LMBRD1: variants seen among roughly 807,000 people sequenced by gnomAD.
The protein encoded by LMBRD1 is LMBR1 domain containing 1.
In LMBRD1, 64 loss-of-function variants were observed where a neutral mutation model predicts 74.8. The ratio of observed to expected loss-of-function variants is 0.86; its 90% CI spans 0.70 to 1.05. The LOEUF is 1.05. Among genes scored for constraint, LMBRD1 ranks in the 50% least tolerant of loss-of-function variants. LMBRD1 has a pLI of 0.00. For synonymous variants in LMBRD1, 204 were observed against 216.3 expected (o/e 0.94, Z 0.50); for missense variants, 652 against 645.9 (o/e 1.01, Z -0.10).
chr6:69,706,137 G>A, intron 9 of LMBRD1: 1 of 543,894 alleles, frequency 1.8e-6, no homozygotes, highest in Non-Finnish European at 3.4e-6. Flanking sequence ...GGGGGTTTAT[G>A]TCCATGTCCA....
chr6:69,708,167 T>C (rs550456925), intron 9 of LMBRD1, among the ~76,000 whole-genome samples: 17 of 152,318 alleles, frequency 1.1e-4, no homozygotes, highest in Non-Finnish European at 2.1e-4. Context: ...GGGAAGAGTT[T>C]ATTCAAGTAT....
intron 3 of LMBRD1, among the ~76,000 whole-genome samples, chr6:69,779,356 T>A (rs998568152): frequency 1.4e-4 from 21 of 152,190 alleles, no homozygotes; most frequent in African/African-American, 4.6e-4. Flanking sequence ...CACTTTTTTT[T>A]ATAAAACACA....
chr6:69,719,702 A>T (rs1766572967), intron 7 of LMBRD1, among the ~76,000 whole-genome samples: 1 of 152,194 alleles, frequency 6.6e-6, no homozygotes, highest in Non-Finnish European at 1.5e-5. Context: ...ATAATCATTA[A>T]TAATACTTAA....
chr6:69,715,662 A>G (rs920009454), intron 8 of LMBRD1, among the ~76,000 whole-genome samples: 121 of 152,154 alleles, frequency 8.0e-4, no homozygotes, highest in African/African-American at 2.9e-3. Context: ...TAAGCAGTTA[A>G]ATATCCTTCA....
chr6:69,737,883 T>G, intron 7 of LMBRD1, 59 bp downstream of exon 7: 1 of 1,038,534 alleles, frequency 9.6e-7, no homozygotes, highest in Non-Finnish European at 1.5e-6. Context: ...AATAAATTAC[T>G]AAGGTAAAAA....
At chr6:69,700,684 T>G (rs1766106768) in intron 12 of LMBRD1, 81 bp downstream of exon 12, 1 of 987,576 alleles carries the variant, frequency 1.0e-6, no homozygotes, top group East Asian at 3.0e-5. Flanking sequence ...AGCTACTATA[T>G]TCTAAATCTA....
In LMBRD1 at chr6:69,701,605, G is replaced by GA. The variant is rs915391643; in HGVS notation, c.981-61dup. ...TACTATCAAATTTTCAGCAAATTTA[G>GA]AAAAAATATAATTTAAGCATGCAAA... On this transcript the variant is annotated intron_variant, in intron 10 of 15. Transcript: ENST00000649934. The GA allele has an allele frequency of 4.0e-5, 42 of 1,049,668 alleles. No homozygotes were observed. In the African/African-American group the frequency reaches 4.3e-4, roughly 11 times the overall value. The allele number at this position is 1,049,668 out of a possible 1,614,324, so 65.0% of individuals were successfully genotyped here. A position where few individuals can be genotyped will look rare whatever the true frequency, so the allele number is the denominator to read the frequency against.
At chr6:69,733,836 A>G (rs972075821) in intron 7 of LMBRD1, among the ~76,000 whole-genome samples, 1 of 152,174 alleles carries the variant, frequency 6.6e-6, no homozygotes, top group African/African-American at 2.4e-5. Flanking sequence ...TGCTTTTTGC[A>G]TTTGGTTTAT....
chr6:69,686,965 C>T (rs1173808139), intron 14 of LMBRD1, among the ~76,000 whole-genome samples: 1 of 152,178 alleles, frequency 6.6e-6, no homozygotes, highest in Non-Finnish European at 1.5e-5. Context: ...GAAATATTTA[C>T]TATCTGGCTA....
At chr6:69,684,979 G>A (rs1049770606) in intron 14 of LMBRD1, among the ~76,000 whole-genome samples, 1 of 152,074 alleles carries the variant, frequency 6.6e-6, no homozygotes, top group Non-Finnish European at 1.5e-5. Context: ...AAATGTTTAA[G>A]GGAGACAAAG....
chr6:69,770,251 T>C, intron 3 of LMBRD1, among the ~76,000 whole-genome samples: 1 of 152,182 alleles, frequency 6.6e-6, no homozygotes, highest in East Asian at 1.9e-4. Flanking sequence ...AGTACAGCTG[T>C]AGGTCCTCCC....
At chr6:69,718,538 AC>A (rs1766543100) in intron 8 of LMBRD1, among the ~76,000 whole-genome samples, 1 of 152,120 alleles carries the variant, frequency 6.6e-6, no homozygotes, top group Admixed American at 6.5e-5. Flanking sequence ...GGTTTGATTG[AC>A]TCACAGTTCC....
intron 6 of LMBRD1, among the ~76,000 whole-genome samples, chr6:69,738,386 T>C (rs1767020562): frequency 6.6e-6 from 1 of 152,134 alleles, no homozygotes. Flanking sequence ...TAACATTTCA[T>C]AGGAAAGCCA....
intron 1 of LMBRD1, 99 bp from the exon 2 acceptor site, chr6:69,790,571 T>C (rs2305839): frequency 8.4e-7 from 1 of 1,184,654 alleles, no homozygotes; most frequent in Non-Finnish European, 1.2e-6. Flanking sequence ...TTATGTGAAG[T>C]AAAGGTTATT....
At chr6:69,749,263 C>G (rs1416843907) in intron 5 of LMBRD1, 78 bp downstream of exon 5, 9 of 1,146,072 alleles carry the variant, frequency 7.9e-6, no homozygotes, top group African/African-American at 1.6e-5. Context: ...CTAGATTTTT[C>G]TGAATGATCC....
At position 69,790,400 on chromosome 6, in the gene LMBRD1, T is replaced by C. The variant is rs1314913418; in HGVS notation, c.142A>G (p.Ile48Val). ...ATTGCTAGAGAAAAAATTGCTGTTA[T>C]GGTGGAGACAACTTCACTTTCCCGC... Reference protein sequence around the residue: ...SRRESEVVSTITAIFSLAIAL... With the variant: ...SRRESEVVSTVTAIFSLAIAL... The change falls in exon 2 of 16, where the codon ATA (isoleucine) becomes GTA (valine). Residue 48 changes from isoleucine (I) to valine (V), a missense_variant. Physicochemically the swap from Ile to Val is conservative, Grantham distance 29. This residue lies in a region of LMBRD1 where 598 missense variants were observed against 581.8 expected (regional missense o/e 1.03). Transcript: ENST00000649934. 3.7e-6 allele frequency: 6 copies of C among 1,613,928 alleles called. No individual in the cohort carries two copies. Among genetic ancestry groups the C allele is most frequent in the African/African-American group, 1.3e-5 (1 of 74,924 alleles).
chr6:69,755,666 A>T (rs1765252645), intron 3 of LMBRD1, among the ~76,000 whole-genome samples: 1 of 152,152 alleles, frequency 6.6e-6, no homozygotes, highest in Admixed American at 6.5e-5. Context: ...TTTGTAAATC[A>T]CCCTAAATAC....
At chr6:69,685,637 C>T (rs1765747556) in intron 14 of LMBRD1, among the ~76,000 whole-genome samples, 1 of 152,048 alleles carries the variant, frequency 6.6e-6, no homozygotes, top group Admixed American at 6.6e-5. Flanking sequence ...CCTGTCTCTA[C>T]TAAAAATACA....
chr6:69,757,216 T>C (rs1765285272), intron 3 of LMBRD1, among the ~76,000 whole-genome samples: 1 of 152,180 alleles, frequency 6.6e-6, no homozygotes, highest in African/African-American at 2.4e-5. Flanking sequence ...ACTACCTTTC[T>C]ATGATTGAAC....
Sources: allele counts gnomAD v4.1 joint callset (sites outside exome capture counted in the v4.1 genomes callset), GRCh38; gene constraint gnomAD v4.1.1; regional missense constraint gnomAD v4.1.1; transcripts MANE v1.5; gene names NCBI Gene and HGNC (gene_info 2026-07-23, HGNC 2026-07-21).